STK32B: variants seen among roughly 807,000 people sequenced by gnomAD.
The protein encoded by STK32B is serine/threonine-protein kinase 32B.
In STK32B, 43 loss-of-function variants were observed where a neutral mutation model predicts 52.6. The observed-to-expected ratio is 0.82, with a 90% CI of 0.64 to 1.05. The LOEUF (loss-of-function observed/expected upper bound fraction) is 1.05, where lower values mean the gene tolerates loss of function less well. Among genes scored for constraint, STK32B ranks in the 50% least tolerant of loss-of-function variants. STK32B has a pLI of 0.00. For missense variants in STK32B, 621 were observed against 534.6 expected (o/e 1.16, Z -1.59); for synonymous variants, 238 against 204.3 (o/e 1.17, Z -1.41).
intron 2 of STK32B, among the ~76,000 whole-genome samples, chr4:5,140,790 C>T (rs555327275): frequency 6.6e-6 from 1 of 152,172 alleles, no homozygotes; most frequent in East Asian, 1.9e-4. Context: ...TTTATTGATC[C>T]AATCCATGCA....
intron 3 of STK32B, among the ~76,000 whole-genome samples, chr4:5,209,918 C>T (rs17734102): frequency 0.094 from 14,275 of 152,204 alleles, 845 homozygotes; most frequent in Middle Eastern, 0.14. Flanking sequence ...TCCTCTATAC[C>T]ACTGCATCTT....
intron 11 of STK32B, among the ~76,000 whole-genome samples, chr4:5,493,121 T>G (rs1333176320): frequency 6.6e-6 from 1 of 151,714 alleles, no homozygotes; most frequent in Non-Finnish European, 1.5e-5. Context: ...ATTCCCTCTT[T>G]TTCTATTGAT....
chr4:5,431,059 C>T (rs1409566764), intron 6 of STK32B, among the ~76,000 whole-genome samples: 1 of 152,180 alleles, frequency 6.6e-6, no homozygotes, highest in Non-Finnish European at 1.5e-5. Context: ...TAGGGGTGAT[C>T]CTATCTTTCT....
At chr4:5,019,693 A>G in the STK32B span, among the ~76,000 whole-genome samples, 1 of 152,128 alleles carries the variant, frequency 6.6e-6, no homozygotes, top group African/African-American at 2.4e-5. Flanking sequence ...TGCCTCCCCC[A>G]CACTTTCAGC....
At chr4:5,077,696 C>T (rs920231176) in intron 1 of STK32B, among the ~76,000 whole-genome samples, 5 of 152,082 alleles carry the variant, frequency 3.3e-5, no homozygotes, top group East Asian at 1.9e-4. Context: ...ACTCCAGTAC[C>T]GTGCAATCCA....
intron 4 of STK32B, among the ~76,000 whole-genome samples, chr4:5,382,277 A>G (rs1008486754): frequency 2.6e-5 from 4 of 152,194 alleles, no homozygotes; most frequent in African/African-American, 9.7e-5. Flanking sequence ...ACCCTGGGAA[A>G]GTCACTCAAA....
the STK32B span, among the ~76,000 whole-genome samples, chr4:5,039,785 A>G: frequency 8.5e-5 from 13 of 152,204 alleles, no homozygotes; most frequent in African/African-American, 2.7e-4. Context: ...GATGGCTGCC[A>G]TGTCACCAGG....
chr4:5,037,619 C>T, the STK32B span, among the ~76,000 whole-genome samples: 1 of 152,158 alleles, frequency 6.6e-6, no homozygotes, highest in Admixed American at 6.5e-5. Flanking sequence ...CTGGAGGACT[C>T]TGAGAAAGGG....
intron 3 of STK32B, among the ~76,000 whole-genome samples, chr4:5,200,369 C>G (rs1722035893): frequency 6.6e-6 from 1 of 151,632 alleles, no homozygotes; most frequent in Non-Finnish European, 1.5e-5. Context: ...TGTAAGCCAC[C>G]TAAAGTCATT....
At chr4:5,436,625 A>G (rs1714104079) in intron 6 of STK32B, 1 of 985,292 alleles carries the variant, frequency 1.0e-6, no homozygotes, top group South Asian at 4.7e-5. Context: ...GCATCAGAAC[A>G]TGAGCAGCAT....
chr4:5,142,213 C>T (rs1716523721), intron 2 of STK32B, among the ~76,000 whole-genome samples: 1 of 152,160 alleles, frequency 6.6e-6, no homozygotes, highest in Non-Finnish European at 1.5e-5. Context: ...AACTCATCCT[C>T]TTATGGGGTA....
intron 6 of STK32B, among the ~76,000 whole-genome samples, chr4:5,443,279 T>C (rs567530760): frequency 1.3e-5 from 2 of 149,186 alleles, no homozygotes; most frequent in Admixed American, 1.3e-4. Context: ...CATAGTCCCA[T>C]ATTTCTTGGA....
At chr4:5,370,863 C>T (rs1244536499) in intron 4 of STK32B, among the ~76,000 whole-genome samples, 1 of 151,842 alleles carries the variant, frequency 6.6e-6, no homozygotes, top group African/African-American at 2.4e-5. Context: ...GTCCCAGCTA[C>T]TCAGGAGGCT....
chr4:5,064,895 C>T (rs1742358238), intron 1 of STK32B, among the ~76,000 whole-genome samples: 1 of 146,676 alleles, frequency 6.8e-6, no homozygotes, highest in East Asian at 2.0e-4. Flanking sequence ...ATAAGAAAAC[C>T]TTCTCCTCCT....
At chr4:5,420,828 G>A (rs541144543) in intron 6 of STK32B, among the ~76,000 whole-genome samples, 30 of 152,230 alleles carry the variant, frequency 2.0e-4, no homozygotes, top group African/African-American at 5.8e-4. Flanking sequence ...TGCTGTTTCC[G>A]AAAAGCAAAT....
At chr4:5,306,234 A>G (rs990603393) in intron 3 of STK32B, among the ~76,000 whole-genome samples, 2 of 152,088 alleles carry the variant, frequency 1.3e-5, no homozygotes, top group African/African-American at 4.8e-5. Flanking sequence ...GTTCTAGGGT[A>G]CAGTTTAAGT....
chr4:5,219,592 C>G (rs571321228), intron 3 of STK32B, among the ~76,000 whole-genome samples: 2 of 152,362 alleles, frequency 1.3e-5, no homozygotes, highest in South Asian at 4.1e-4. Context: ...ATCGGCCCAA[C>G]TTCCGAGCTG....
chr4:5,298,583 T>C (rs1217652307), intron 3 of STK32B, among the ~76,000 whole-genome samples: 2 of 152,158 alleles, frequency 1.3e-5, no homozygotes, highest in Non-Finnish European at 2.9e-5. Context: ...TTGTTTACAC[T>C]GTGAGGGAAA....
At chr4:5,056,030 A>G (rs4689197) in intron 1 of STK32B, among the ~76,000 whole-genome samples, 150,582 of 152,272 alleles carry the variant, frequency 0.99, 74,480 homozygotes, top group Non-Finnish European at 1. Context: ...GAACTGGGCC[A>G]TCAGCAGGAG....
Sources: allele counts gnomAD v4.1 joint callset (sites outside exome capture counted in the v4.1 genomes callset), GRCh38; gene constraint gnomAD v4.1.1; transcripts MANE v1.5; gene names NCBI Gene and HGNC (gene_info 2026-07-23, HGNC 2026-07-21).